Variants in LRP2 observed in about 807,000 individuals in gnomAD.
The protein encoded by LRP2 is low-density lipoprotein receptor-related protein 2.
LRP2 carries 172 observed loss-of-function variants against 531.0 expected under a neutral mutation model. The observed-to-expected ratio is 0.32, with a 90% confidence interval of 0.29 to 0.37. The LOEUF (loss-of-function observed/expected upper bound fraction) is 0.37. Ranked by LOEUF, LRP2 falls within the 10% of genes least tolerant of loss-of-function variation. LRP2 has a pLI of 1.00. For synonymous variants in LRP2, 1,992 were observed against 2,027.6 expected (o/e 0.98, Z 0.47); for missense variants, 5,167 against 5,868.3 (o/e 0.88, Z 3.90).
chr2:169,310,098 G>A (rs1307469274), intron 3 of LRP2, among the ~76,000 whole-genome samples: 2 of 152,306 alleles, frequency 1.3e-5, no homozygotes, highest in South Asian at 2.1e-4. Flanking sequence ...TGCTGAAGTT[G>A]CTTATCAGCT....
rs754795839 is a variant in LRP2 at position 169,206,584 on chromosome 2, C to A, written c.7136G>T (p.Gly2379Val). Residue 2379 changes from glycine (G) to valine (V), a missense_variant, in exon 39 of 79, where the codon GGC becomes GTC. Transcript: ENST00000649046. ...TTCTGTTGAAATGGCACAATTCTTGCCATCACTTTGCAGGGTCCCAAAGGC... is the reference window on the plus strand; with the variant it reads ...TTCTGTTGAAATGGCACAATTCTTGACATCACTTTGCAGGGTCCCAAAGGC... The part of the protein sequence containing the change: ...DCAFGTLQSD[G>V]KNCAISTENF... The A allele has an allele frequency of 6.2e-7, 1 of 1,614,002 alleles. No homozygotes were observed. The highest frequency in any genetic ancestry group is 8.5e-7 in the Non-Finnish European group (1 of 1,180,024).
intron 64 of LRP2, among the ~76,000 whole-genome samples, chr2:169,157,139 G>T (rs569737153): frequency 1.1e-3 from 164 of 152,238 alleles, no homozygotes; most frequent in Admixed American, 2.3e-3. Context: ...CAATTCCACA[G>T]ACTCTACTGA....
chr2:169,265,706 C>A (rs1249291920), intron 16 of LRP2, among the ~76,000 whole-genome samples: 1 of 151,974 alleles, frequency 6.6e-6, no homozygotes, highest in African/African-American at 2.4e-5. Flanking sequence ...CACAGACATT[C>A]AAAGACTCAA....
intron 1 of LRP2, among the ~76,000 whole-genome samples, chr2:169,345,739 A>C (rs1685677243): frequency 7.2e-6 from 1 of 139,720 alleles, no homozygotes; most frequent in African/African-American, 2.9e-5. Flanking sequence ...CCTCAAAAGG[A>C]AAAGAGGGGG....
intron 76 of LRP2, among the ~76,000 whole-genome samples, chr2:169,136,315 C>T (rs987254545): frequency 6.6e-6 from 1 of 151,962 alleles, no homozygotes; most frequent in Non-Finnish European, 1.5e-5. Flanking sequence ...ATGCCACCCC[C>T]CCAAAAATTT....
chr2:169,191,740 GC>G (rs1235905258), intron 48 of LRP2, 91 bp downstream of exon 48: 1 of 1,027,574 alleles, frequency 9.7e-7, no homozygotes, highest in Non-Finnish European at 1.5e-6. Flanking sequence ...TGGGCCCTGG[GC>G]ACTGTGGCCA....
chr2:169,162,581 T>C lies in LRP2; in HGVS notation c.11778A>G (p.Lys3926=). The change falls in exon 63 of 79, where the codon AAA becomes AAG. Residue 3926 remains lysine (K), a synonymous_variant. Transcript: ENST00000649046. ...ACTTATATTCATATTCTGTACAAGG[T>C]TTAGGGGTCGGTTTTCTACCTGCAA... ...TEEHCRKPTP[K]PCTEYEYKCG... The C allele has an allele frequency of 6.2e-7, 1 of 1,614,116 alleles. No individual in the cohort carries two copies. The highest frequency in any genetic ancestry group is 1.1e-5 in the South Asian group (1 of 91,080).
intron 1 of LRP2, among the ~76,000 whole-genome samples, chr2:169,360,528 A>T (rs1686121248): frequency 6.6e-6 from 1 of 152,182 alleles, no homozygotes. Flanking sequence ...AACCCAGGAA[A>T]AAGAATATCT....
chr2:169,240,332 C>T (rs902675122), intron 25 of LRP2, among the ~76,000 whole-genome samples: 5 of 152,196 alleles, frequency 3.3e-5, no homozygotes, highest in South Asian at 2.1e-4. Flanking sequence ...AGACAGTTCA[C>T]ATGCCTGGGG....
intron 65 of LRP2, 113 bp from the exon 66 acceptor site, chr2:169,154,716 A>G (rs1184882672): frequency 2.1e-6 from 2 of 948,972 alleles, no homozygotes; most frequent in Non-Finnish European, 3.4e-6. Context: ...ATGAGTTTTT[A>G]TAGGAATCTG....
Position 169,233,521 on chromosome 2 carries a change from C to T in LRP2, c.4988G>A (p.Arg1663His), listed in dbSNP as rs200766881. The change falls in exon 30 of 79, where the codon CGT becomes CAT. Residue 1663 changes from arginine (R) to histidine (H), a missense_variant. By Grantham distance (29) the Arg-to-His change is conservative. Transcript: ENST00000649046. ...CCACTTGTTGGCTCGCATAACCCGA[C>T]GAGTAGCACGGTCAGTCCAGTACAC... ...DSVYWTDRAT[R>H]RVMRANKWHG... 3.2e-5 allele frequency: 52 copies of T among 1,613,968 alleles called. No homozygotes were observed. The Admixed American group carries it at 6.8e-4, about 21-fold the overall frequency.
intron 77 of LRP2, 137 bp from the exon 78 acceptor site, chr2:169,129,221 C>A (rs2105322841): frequency 1.4e-6 from 1 of 705,034 alleles, no homozygotes; most frequent in South Asian, 1.6e-5. Context: ...GTGATTCAGC[C>A]CATATGGTAA....
intron 1 of LRP2, among the ~76,000 whole-genome samples, chr2:169,321,808 C>T (rs1273745933): frequency 6.6e-6 from 1 of 152,026 alleles, no homozygotes; most frequent in Non-Finnish European, 1.5e-5. Flanking sequence ...AGTTGACACC[C>T]CAAGTGGCAG....
Position 169,201,674 on chromosome 2 carries a change from A to C in LRP2, c.8406T>G (p.Gly2802=). ...TGTTATTATCATGGCAGTTGTCTAC[A>C]CCATTGCAGATAAACTCACGAGGTA... ...RCIPREFICN[G]VDNCHDNNTS... The change falls in exon 44 of 79, where the codon GGT becomes GGG. Residue 2802 remains glycine (G), a synonymous_variant. Transcript: ENST00000649046. 6.2e-7 allele frequency: 1 copy of C among 1,614,180 alleles called. No individual in the cohort carries two copies. The highest frequency in any genetic ancestry group is 8.5e-7 in the Non-Finnish European group (1 of 1,180,020).
In LRP2 at chr2:169,172,038, T is replaced by A; in HGVS notation, c.11240A>T (p.Asp3747Val). 6.2e-7 allele frequency: 1 copy of A among 1,614,194 alleles called. No homozygotes were observed. Among genetic ancestry groups the A allele is most frequent in the Non-Finnish European group, 8.5e-7 (1 of 1,180,022 alleles). The change falls in exon 58 of 79, where the codon GAT becomes GTT. Residue 3747 changes from aspartate to valine, a missense_variant. Coordinates refer to ENST00000649046, the MANE Select transcript of LRP2 (RefSeq NM_004525.3). ...ACCACAGTTTTCCTCATCTGAGTTATCTCCACAGTCATTTTGCCCATCACA... is the reference window on the plus strand; with the variant it reads ...ACCACAGTTTTCCTCATCTGAGTTAACTCCACAGTCATTTTGCCCATCACA... ...WQCDGQNDCG[D>V]NSDEENCAPR...
At chr2:169,144,132 C>A (rs765268116) in intron 70 of LRP2, among the ~76,000 whole-genome samples, 1 of 152,214 alleles carries the variant, frequency 6.6e-6, no homozygotes, top group Non-Finnish European at 1.5e-5. Flanking sequence ...CCATGGCCCA[C>A]ACTCTGAGTA....
At chr2:169,204,363 T>G in intron 41 of LRP2, 92 bp from the exon 42 acceptor site, 4 of 1,206,300 alleles carry the variant, frequency 3.3e-6, no homozygotes, top group Non-Finnish European at 4.9e-6. Context: ...CATCATTGTT[T>G]ACACAAGCTG....
chr2:169,358,232 T>C (rs1434188688), intron 1 of LRP2, among the ~76,000 whole-genome samples: 1 of 152,214 alleles, frequency 6.6e-6, no homozygotes, highest in Admixed American at 6.5e-5. Context: ...AATGGTCCAC[T>C]GCAAATTTAT....
chr2:169,161,034 G>C (rs1326922428), intron 63 of LRP2, among the ~76,000 whole-genome samples: 2 of 152,184 alleles, frequency 1.3e-5, no homozygotes, highest in Admixed American at 6.5e-5. Flanking sequence ...AGCTCACTAG[G>C]ATGACTAAGT....
Sources: allele counts gnomAD v4.1 joint callset (sites outside exome capture counted in the v4.1 genomes callset), GRCh38; gene constraint gnomAD v4.1.1; transcripts MANE v1.5; gene names NCBI Gene and HGNC (gene_info 2026-07-23, HGNC 2026-07-21).